NIPA2: variants seen among roughly 807,000 people sequenced by gnomAD.
The protein encoded by NIPA2 is magnesium transporter NIPA2.
NIPA2 carries 11 observed loss-of-function variants against 29.7 expected under a neutral mutation model. The ratio of observed to expected loss-of-function variants is 0.37; its 90% CI spans 0.23 to 0.61. The LOEUF is 0.61. Ranked by LOEUF, NIPA2 falls within the 20% of genes least tolerant of loss-of-function variation. The pLI is 0.66. For missense variants in NIPA2, 426 were observed against 437.9 expected, an observed-to-expected ratio of 0.97 and a Z score of 0.24; for synonymous variants, 183 against 161.9, an observed-to-expected ratio of 1.13 and a Z score of -0.99.
intron 7 of NIPA2, among the ~76,000 whole-genome samples, chr15:22,861,436 C>G (rs1313332330): frequency 6.6e-6 from 1 of 152,082 alleles, no homozygotes; most frequent in Admixed American, 6.5e-5. Flanking sequence ...CCCTTATTTC[C>G]AGAATCCTGG....
In NIPA2 at chr15:22,868,063, C is replaced by G. The variant is rs2059259767; in HGVS notation, c.*1216C>G. 1 of 152,224 alleles carries G rather than the reference C, an allele frequency of 6.6e-6. No homozygotes were observed. Among genetic ancestry groups the G allele is most frequent in the South Asian group, 2.1e-4 (1 of 4,834 alleles). The allele number at this position is 152,224 out of a possible 1,614,324, so 9.4% of individuals were successfully genotyped here. A position where few individuals can be genotyped will look rare whatever the true frequency, so the allele number is the denominator to read the frequency against. ...CCTGTGGCTCCTGCCTGGAGGTTAC[C>G]CAGTGGTGCGCCAGCGCCAAGCCAT... On this transcript the variant is annotated 3_prime_UTR_variant, in exon 8 of 8. Transcript: ENST00000337451.
chr15:22,853,126 T>C, intron 4 of NIPA2, 86 bp from the exon 5 acceptor site: 1 of 889,998 alleles, frequency 1.1e-6, no homozygotes, highest in Non-Finnish European at 1.8e-6. Context: ...AACTGAGATA[T>C]TTAAAAATCT....
intron 2 of NIPA2, among the ~76,000 whole-genome samples, chr15:22,844,565 G>C (rs1898091693): frequency 6.7e-6 from 1 of 148,658 alleles, no homozygotes; most frequent in African/African-American, 2.5e-5. Context: ...AAAAAAAAAA[G>C]AGTTTGTTAA....
chr15:22,864,114 T>C (rs2058803115), intron 7 of NIPA2, among the ~76,000 whole-genome samples: 1 of 152,064 alleles, frequency 6.6e-6, no homozygotes, highest in Admixed American at 6.6e-5. Context: ...GCTTTGCACT[T>C]TTCTGTTTGT....
chr15:22,866,724 G>A lies in NIPA2; in HGVS notation c.960G>A (p.Met320Ile), dbSNP rs772968349. The A allele has an allele frequency of 6.2e-7, 1 of 1,614,062 alleles. No individual in the cohort carries two copies. The highest frequency in any genetic ancestry group is 1.1e-5 in the South Asian group (1 of 91,078). The change falls in exon 8 of 8, where the codon ATG becomes ATA. Residue 320 changes from methionine to isoleucine, a missense_variant. Coordinates refer to ENST00000337451, the MANE Select transcript of NIPA2 (RefSeq NM_030922.7). ...CTTTTCGAAAAGACGAGAAAGCAAT[G>A]AATGGCAATCTCTCTAATATGTATG... ...PVSFRKDEKAMNGNLSNMYEV... is the reference protein window; with the variant it reads ...PVSFRKDEKAINGNLSNMYEV...
intron 7 of NIPA2, among the ~76,000 whole-genome samples, chr15:22,862,133 C>T (rs988909042): frequency 1.8e-4 from 26 of 146,896 alleles, no homozygotes; most frequent in African/African-American, 6.3e-4. Context: ...CTGCATCCTC[C>T]GCCTCTTGGG....
chr15:22,856,509 C>T (rs7166932), intron 5 of NIPA2, among the ~76,000 whole-genome samples: 3,453 of 151,304 alleles, frequency 0.023, 129 homozygotes, highest in African/African-American at 0.078. Flanking sequence ...TGAATTTTAA[C>T]AGTAACCATA....
intron 5 of NIPA2, among the ~76,000 whole-genome samples, 153 bp from the exon 6 acceptor site, chr15:22,858,386 TC>T (rs2058360520): frequency 6.6e-6 from 1 of 152,018 alleles, no homozygotes; most frequent in South Asian, 2.1e-4. Flanking sequence ...AGAGTGAGAC[TC>T]CGTCTCAAAA....
intron 2 of NIPA2, among the ~76,000 whole-genome samples, chr15:22,843,198 G>T (rs1481973302): frequency 6.6e-6 from 1 of 152,004 alleles, no homozygotes; most frequent in Non-Finnish European, 1.5e-5. Context: ...GCTGTGTGAC[G>T]TGTTACTTAA....
chr15:22,855,226 C>T (rs1434846080), intron 5 of NIPA2, among the ~76,000 whole-genome samples: 1 of 148,772 alleles, frequency 6.7e-6, no homozygotes, highest in African/African-American at 2.5e-5. Context: ...GCCTGACCAA[C>T]ATGGAGAAAC....
chr15:22,847,559 G>T (rs1899134508), intron 3 of NIPA2, among the ~76,000 whole-genome samples: 1 of 151,906 alleles, frequency 6.6e-6, no homozygotes, highest in Non-Finnish European at 1.5e-5. Flanking sequence ...CCGCCTTCTG[G>T]CTTCAAGCAG....
chr15:22,845,120 A>G (rs530010865), intron 2 of NIPA2, 26 bp from the exon 3 acceptor site: 1 of 152,276 alleles, frequency 6.6e-6, no homozygotes, highest in Non-Finnish European at 1.5e-5. Context: ...GCTAATTCTT[A>G]AGAAGAAAAA....
chr15:22,862,769 G>GT (rs1255408432), intron 7 of NIPA2, among the ~76,000 whole-genome samples: 1 of 151,920 alleles, frequency 6.6e-6, no homozygotes, highest in African/African-American at 2.4e-5. Context: ...TTTAAGTGAT[G>GT]TTTTTTCTTC....
Position 22,840,920 on chromosome 15 carries a change from T to C in NIPA2, c.-216+1130T>C, listed in dbSNP as rs147722859. 4.6e-3 allele frequency among the ~76,000 whole-genome samples: 697 copies of C among 151,372 alleles called. 4 individuals carry two copies. Among genetic ancestry groups the C allele is most frequent in the African/African-American group, 0.016 (658 of 41,160 alleles). ...TGACTTTGAATATTACATTTTTTTA[T>C]AGATGGTGTAAGCTTCATTTAAACT... On this transcript the variant is annotated intron_variant, in intron 2 of 7. Transcript: ENST00000337451.
intron 7 of NIPA2, among the ~76,000 whole-genome samples, chr15:22,862,134 G>A (rs1283104143): frequency 7.0e-6 from 1 of 142,052 alleles, no homozygotes; most frequent in Non-Finnish European, 1.5e-5. Context: ...TGCATCCTCC[G>A]CCTCTTGGGT....
In NIPA2 at chr15:22,867,490, A is replaced by T; in HGVS notation, c.*643A>T. The T allele has an allele frequency of 3.3e-6, 1 of 304,270 alleles. No individual in the cohort carries two copies. The allele number at this position is 304,270 out of a possible 1,614,324, so 18.8% of individuals were successfully genotyped here. A position where few individuals can be genotyped will look rare whatever the true frequency, so the allele number is the denominator to read the frequency against. On this transcript the variant is annotated 3_prime_UTR_variant, in exon 8 of 8. Coordinates refer to ENST00000337451, the MANE Select transcript of NIPA2 (RefSeq NM_030922.7). ...GAGCATTCGATGGCCTTAGCACCTCATCAAGCCAGCACATCCTGCCTGCTG... is the reference window on the plus strand; with the variant it reads ...GAGCATTCGATGGCCTTAGCACCTCTTCAAGCCAGCACATCCTGCCTGCTG...
intron 5 of NIPA2, among the ~76,000 whole-genome samples, chr15:22,857,346 A>C (rs1006447501): frequency 3.8e-4 from 57 of 151,620 alleles, no homozygotes; most frequent in African/African-American, 1.4e-3. Context: ...CTGAGGCAGG[A>C]GAATCGCTTT....
intron 2 of NIPA2, among the ~76,000 whole-genome samples, chr15:22,843,979 G>A (rs1897878725): frequency 6.6e-6 from 1 of 152,110 alleles, no homozygotes; most frequent in African/African-American, 2.4e-5. Flanking sequence ...TTACAGATGT[G>A]AGCCGCCGTG....
At chr15:22,863,460 C>T (rs1359336211) in intron 7 of NIPA2, among the ~76,000 whole-genome samples, 2 of 152,146 alleles carry the variant, frequency 1.3e-5, no homozygotes, top group African/African-American at 4.8e-5. Flanking sequence ...GCCCCTCCAC[C>T]TGAGAAACTG....
Sources: allele counts gnomAD v4.1 joint callset (sites outside exome capture counted in the v4.1 genomes callset), GRCh38; gene constraint gnomAD v4.1.1; transcripts MANE v1.5; gene names NCBI Gene and HGNC (gene_info 2026-07-23, HGNC 2026-07-21).